SEZ6L: variants seen among roughly 807,000 people sequenced by gnomAD.
SEZ6L encodes seizure 6-like protein.
Under a neutral mutation model 106.2 loss-of-function variants are expected in SEZ6L, and 37 were observed. That is an observed-to-expected ratio of 0.35 (90% confidence interval 0.27 to 0.46). The LOEUF (loss-of-function observed/expected upper bound fraction) is 0.46. SEZ6L is among the 20% of genes least tolerant of loss of function. The pLI, the probability that SEZ6L is intolerant of heterozygous loss-of-function variation, is 1.00. For synonymous variants in SEZ6L, 541 were observed against 570.4 expected (o/e 0.95, Z 0.73); for missense variants, 1,172 against 1,332.8 (o/e 0.88, Z 1.88).
At chr22:26,216,534 T>C (rs1304205641) in intron 1 of SEZ6L, among the ~76,000 whole-genome samples, 1 of 152,094 alleles carries the variant, frequency 6.6e-6, no homozygotes, top group Non-Finnish European at 1.5e-5. Flanking sequence ...TGTGCAACTG[T>C]AATCCCAGTT....
Position 26,355,191 on chromosome 22 carries a change from G to A in SEZ6L, c.2599+3948G>A, listed in dbSNP as rs375080955. Among the ~76,000 whole-genome samples the A allele has an allele frequency of 5.3e-5, 8 of 152,220 alleles. No homozygotes were observed. The East Asian group carries it at 1.2e-3, about 22-fold the overall frequency. On this transcript the variant is annotated intron_variant, in intron 12 of 16. Transcript: ENST00000248933. ...CAACACTAACACTCTTCACCCTCAC[G>A]GAAATCGCACAGGTGAATGCCTGTC...
intron 10 of SEZ6L, among the ~76,000 whole-genome samples, chr22:26,346,417 T>C (rs2083009779): frequency 6.6e-6 from 1 of 152,262 alleles, no homozygotes; most frequent in Admixed American, 6.5e-5. Flanking sequence ...ACCAAACTCA[T>C]GGATTTACAG....
chr22:26,218,904 C>T (rs1481222841), intron 1 of SEZ6L, among the ~76,000 whole-genome samples: 1 of 151,976 alleles, frequency 6.6e-6, no homozygotes, highest in African/African-American at 2.4e-5. Flanking sequence ...TGCCACTGCA[C>T]TCCAGCCTAG....
intron 1 of SEZ6L, among the ~76,000 whole-genome samples, chr22:26,264,355 G>A (rs990492290): frequency 2.0e-5 from 3 of 152,200 alleles, no homozygotes; most frequent in Non-Finnish European, 4.4e-5. Flanking sequence ...GTAGCTGTGT[G>A]ACCTTTGGCA....
At chr22:26,199,640 G>A (rs549752416) in intron 1 of SEZ6L, among the ~76,000 whole-genome samples, 38 of 152,310 alleles carry the variant, frequency 2.5e-4, no homozygotes, top group African/African-American at 8.9e-4. Flanking sequence ...CTTAAGCAAA[G>A]AGAAGTACAT....
chr22:26,357,837 C>T (rs1022521516), intron 12 of SEZ6L, among the ~76,000 whole-genome samples: 3 of 152,166 alleles, frequency 2.0e-5, no homozygotes, highest in African/African-American at 7.2e-5. Context: ...TGGATGACTC[C>T]TGAGGTAACC....
rs143460097 is a variant in SEZ6L at position 26,250,642 on chromosome 22, C to A, written c.95-41764C>A. 4.6e-5 allele frequency among the ~76,000 whole-genome samples: 7 copies of A among 152,186 alleles called. No homozygotes were observed. The East Asian group carries it at 1.4e-3, about 29-fold the overall frequency. On this transcript the variant is annotated intron_variant, in intron 1 of 16. Transcript: ENST00000248933. ...TTTGCTCAGGATTGCTTTGGCTATTCGGGATCTTTTGTGCTTCCATAGGAA... is the reference window on the plus strand; with the variant it reads ...TTTGCTCAGGATTGCTTTGGCTATTAGGGATCTTTTGTGCTTCCATAGGAA...
In SEZ6L at chr22:26,265,778, C is replaced by T. The variant is rs111501934; in HGVS notation, c.95-26628C>T. Among the ~76,000 whole-genome samples the T allele has an allele frequency of 1.7e-3, 255 of 152,224 alleles. 4 individuals carry two copies. The highest frequency in any genetic ancestry group is 5.2e-3 in the African/African-American group (218 of 41,532). ...CTTCTTAAGGGCTTGGGTTTGTGGT[C>T]GGTGGCAAGAGGCAGACATGCCTTT... On this transcript the variant is annotated intron_variant, in intron 1 of 16. Transcript: ENST00000248933.
chr22:26,191,868 T>A (rs1397454457), intron 1 of SEZ6L, among the ~76,000 whole-genome samples: 1 of 152,208 alleles, frequency 6.6e-6, no homozygotes, highest in East Asian at 1.9e-4. Flanking sequence ...ACACTTCCAG[T>A]CCTTGTGTTC....
At chr22:26,182,977 A>G (rs1569359212) in intron 1 of SEZ6L, among the ~76,000 whole-genome samples, 2 of 152,202 alleles carry the variant, frequency 1.3e-5, no homozygotes, top group Non-Finnish European at 2.9e-5. Context: ...CTTCCAGACA[A>G]CAGTGCTTGT....
intron 5 of SEZ6L, among the ~76,000 whole-genome samples, chr22:26,304,884 A>T (rs2081586008): frequency 6.6e-6 from 1 of 152,120 alleles, no homozygotes; most frequent in African/African-American, 2.4e-5. Flanking sequence ...AACAATGGGG[A>T]TATGTTCTAG....
chr22:26,383,525 T>C lies in SEZ6L; in HGVS notation c.*3230T>C, dbSNP rs755843669. 7 of 152,204 alleles carry C rather than the reference T, an allele frequency of 4.6e-5. No homozygotes were observed. The highest frequency in any genetic ancestry group is 2.0e-4 in the Admixed American group (3 of 15,278). 9.4% of individuals were successfully genotyped at this position (152,204 alleles called of 1,614,324 possible). On this transcript the variant is annotated 3_prime_UTR_variant, in exon 17 of 17. Coordinates refer to ENST00000248933, the MANE Select transcript of SEZ6L (RefSeq NM_021115.5). ...AAAATAAAAAGCAAAACAAACTTTC[T>C]AAGCTAGAATAATGAAATTAAGTCA... is the stretch of plus-strand genomic sequence containing the variant.
intron 3 of SEZ6L, among the ~76,000 whole-genome samples, chr22:26,295,125 C>T (rs1445950014): frequency 1.3e-5 from 2 of 152,164 alleles, no homozygotes; most frequent in East Asian, 3.8e-4. Context: ...GAACAAGGAA[C>T]TTCACCTCTC....
chr22:26,371,372 T>C (rs1435231675), intron 13 of SEZ6L, among the ~76,000 whole-genome samples: 2 of 152,210 alleles, frequency 1.3e-5, no homozygotes, highest in South Asian at 2.1e-4. Context: ...TCACCAACAA[T>C]GTGTAATATG....
chr22:26,270,268 G>T (rs1348669403), intron 1 of SEZ6L, among the ~76,000 whole-genome samples: 1 of 152,176 alleles, frequency 6.6e-6, no homozygotes, highest in Admixed American at 6.5e-5. Context: ...TGTTGTTCTT[G>T]TTGTCATCTT....
At chr22:26,211,825 A>T (rs1431031690) in intron 1 of SEZ6L, among the ~76,000 whole-genome samples, 1 of 149,590 alleles carries the variant, frequency 6.7e-6, no homozygotes, top group African/African-American at 2.4e-5. Flanking sequence ...AAAAAAAAAA[A>T]AAAATTTAAA....
chr22:26,320,946 C>CA (rs1490254278), intron 9 of SEZ6L, among the ~76,000 whole-genome samples: 1 of 152,118 alleles, frequency 6.6e-6, no homozygotes, highest in East Asian at 1.9e-4. Context: ...TGAGCTGACC[C>CA]AAAATATCAA....
chr22:26,365,018 C>T lies in SEZ6L; in HGVS notation c.2600-354C>T, dbSNP rs186221270. ...ATTTCCTTACTTACCTATTTTAGTC[C>T]TCCAAATTCCTAGGAGATAGATATT... On this transcript the variant is annotated intron_variant, in intron 12 of 16. Transcript: ENST00000248933. 974 of 175,458 alleles carry T rather than the reference C, an allele frequency of 5.6e-3. 7 individuals carry two copies. The highest frequency in any genetic ancestry group is 0.017 in the South Asian group (97 of 5,680). The allele number at this position is 175,458 out of a possible 1,614,324, so 10.9% of individuals were successfully genotyped here. A position where few individuals can be genotyped will look rare whatever the true frequency, so the allele number is the denominator to read the frequency against.
At chr22:26,170,326 G>A (rs1938499315) in intron 1 of SEZ6L, among the ~76,000 whole-genome samples, 1 of 152,148 alleles carries the variant, frequency 6.6e-6, no homozygotes, top group African/African-American at 2.4e-5. Flanking sequence ...CCGGACTTGG[G>A]TGTGGCTTTC....
Sources: gnomAD v4.1 joint callset for allele counts (sites outside exome capture counted in the v4.1 genomes callset) on GRCh38, gnomAD v4.1.1 for gene constraint, MANE v1.5 for transcripts, NCBI Gene and HGNC (gene_info 2026-07-23, HGNC 2026-07-21) for gene names.